The following PTPRN2 variants were observed in gnomAD, a reference collection of about 807,000 sequenced individuals.
PTPRN2 encodes the protein protein tyrosine phosphatase receptor type N2, also known as receptor-type tyrosine-protein phosphatase N2.
A neutral mutation model predicts 118.8 loss-of-function variants in PTPRN2; 74 were observed. The observed-to-expected ratio is 0.62, with a 90% confidence interval of 0.52 to 0.76. PTPRN2 has a LOEUF of 0.76. Ranked by LOEUF, PTPRN2 falls within the 30% of genes least tolerant of loss-of-function variation. The pLI, the probability that PTPRN2 is intolerant of heterozygous loss-of-function variation, is 0.00. For missense variants in PTPRN2, 1,481 were observed against 1,394.4 expected (o/e 1.06, Z -0.99); for synonymous variants, 641 against 608.0 (o/e 1.05, Z -0.80).
At chr7:157,853,484 G>A (rs1020357588) in intron 12 of PTPRN2, among the ~76,000 whole-genome samples, 9 of 151,506 alleles carry the variant, frequency 5.9e-5, no homozygotes, top group Admixed American at 2.6e-4. Flanking sequence ...TCTTCTTTGT[G>A]TGTAACCTTT....
chr7:158,252,294 ATC>A, intron 3 of PTPRN2, among the ~76,000 whole-genome samples: 1 of 152,238 alleles, frequency 6.6e-6, no homozygotes, highest in East Asian at 1.9e-4. Context: ...CACTCCCATA[ATC>A]TCTCAGTGCC....
At chr7:158,452,289 A>T (rs1363911370) in intron 2 of PTPRN2, among the ~76,000 whole-genome samples, 5 of 152,212 alleles carry the variant, frequency 3.3e-5, no homozygotes, top group Admixed American at 1.3e-4. Flanking sequence ...TTCAAAAAAA[A>T]TTGTTAATAT....
At chr7:157,748,755 C>G (rs1236738252) in intron 12 of PTPRN2, among the ~76,000 whole-genome samples, 2 of 116,256 alleles carry the variant, frequency 1.7e-5, no homozygotes, top group Non-Finnish European at 3.6e-5. Context: ...CCGGGTGATT[C>G]TGAGGCCTGC....
intron 6 of PTPRN2, among the ~76,000 whole-genome samples, chr7:158,158,019 G>A (rs576179841): frequency 8.5e-5 from 13 of 152,256 alleles, no homozygotes; most frequent in African/African-American, 2.2e-4. Flanking sequence ...TGTGAGAGGC[G>A]GCCTCTGTGT....
rs545676124 is a variant in PTPRN2 at position 158,145,961 on chromosome 7, C to G, written c.911-7446G>C. The stretch of plus-strand genomic sequence containing the variant: ...AGTTTCCATATCTGTAAAATGGTGA[C>G]AAGTGAGGCATGGGCCCAGCATACT... On this transcript the variant is annotated intron_variant, in intron 6 of 22. Transcript: ENST00000389418. Among the ~76,000 whole-genome samples, 7 of 152,278 alleles carry G rather than the reference C, an allele frequency of 4.6e-5. No individual in the cohort carries two copies. The East Asian group carries it at 1.4e-3, about 29-fold the overall frequency.
At chr7:158,221,264 C>G (rs1406230009) in intron 3 of PTPRN2, among the ~76,000 whole-genome samples, 7 of 151,728 alleles carry the variant, frequency 4.6e-5, no homozygotes, top group African/African-American at 1.7e-4. Context: ...CATAAAAACC[C>G]TAGAAGAAAA....
chr7:158,107,396 C>T (rs1815771272), intron 10 of PTPRN2, among the ~76,000 whole-genome samples: 1 of 152,170 alleles, frequency 6.6e-6, no homozygotes, highest in Non-Finnish European at 1.5e-5. Flanking sequence ...CCCTCAGTCA[C>T]ATCAGAAGTT....
chr7:157,846,565 C>T (rs1440911091), intron 12 of PTPRN2, among the ~76,000 whole-genome samples: 1 of 152,206 alleles, frequency 6.6e-6, no homozygotes, highest in Non-Finnish European at 1.5e-5. Context: ...GTGCGCTGCC[C>T]CAACACCCTG....
intron 12 of PTPRN2, among the ~76,000 whole-genome samples, chr7:157,873,398 C>T (rs180770658): frequency 2.1e-3 from 314 of 152,338 alleles, no homozygotes; most frequent in African/African-American, 5.5e-3. Flanking sequence ...CGCCCCGAGG[C>T]TTTGCTCCGA....
At chr7:158,278,860 A>G (rs570663336) in intron 3 of PTPRN2, among the ~76,000 whole-genome samples, 1 of 152,024 alleles carries the variant, frequency 6.6e-6, no homozygotes, top group Non-Finnish European at 1.5e-5. Flanking sequence ...CGTGGTCTCT[A>G]TGGCTTCAAG....
chr7:157,938,238 G>A (rs1244857948), intron 11 of PTPRN2, among the ~76,000 whole-genome samples: 1 of 152,238 alleles, frequency 6.6e-6, no homozygotes, highest in East Asian at 1.9e-4. Flanking sequence ...AAAAACTGCA[G>A]CACCCACTGG....
At chr7:158,310,602 G>A (rs1222544258) in intron 3 of PTPRN2, among the ~76,000 whole-genome samples, 2 of 152,242 alleles carry the variant, frequency 1.3e-5, no homozygotes, top group East Asian at 1.9e-4. Flanking sequence ...GGGCCTGCTC[G>A]GGAGGTTCCT....
chr7:157,810,712 C>T (rs1340933256), intron 12 of PTPRN2, among the ~76,000 whole-genome samples: 1 of 124,500 alleles, frequency 8.0e-6, no homozygotes, highest in East Asian at 2.5e-4. Context: ...TGGCTCTCCA[C>T]GGGGACGGCG....
At chr7:158,086,636 A>G (rs1813436531) in intron 10 of PTPRN2, among the ~76,000 whole-genome samples, 1 of 152,220 alleles carries the variant, frequency 6.6e-6, no homozygotes, top group Non-Finnish European at 1.5e-5. Context: ...GTGGCACTCA[A>G]TAGACCATAA....
chr7:158,365,584 C>A (rs557249372), intron 2 of PTPRN2, among the ~76,000 whole-genome samples: 1 of 152,300 alleles, frequency 6.6e-6, no homozygotes, highest in African/African-American at 2.4e-5. Flanking sequence ...TGCGTGGAGT[C>A]TGCTCCCATG....
chr7:157,707,588 C>CT (rs57483757), intron 12 of PTPRN2, among the ~76,000 whole-genome samples: 38,441 of 149,970 alleles, frequency 0.26, 5,394 homozygotes, highest in Non-Finnish European at 0.3. Context: ...CTTTTTTTTT[C>CT]TTTTTTTTTG....
chr7:157,876,548 A>G (rs764185499), intron 12 of PTPRN2, among the ~76,000 whole-genome samples: 1 of 152,218 alleles, frequency 6.6e-6, no homozygotes, highest in Non-Finnish European at 1.5e-5. Context: ...AAACGGCCCT[A>G]GAAGACGTTT....
chr7:158,342,411 ACT>A (rs1807068898), intron 2 of PTPRN2, among the ~76,000 whole-genome samples: 1 of 132,528 alleles, frequency 7.5e-6, no homozygotes, highest in African/African-American at 2.9e-5. Context: ...TCACACCCAC[ACT>A]CTCACCATAA....
intron 2 of PTPRN2, among the ~76,000 whole-genome samples, chr7:158,332,178 C>A (rs1362156096): frequency 6.7e-6 from 1 of 150,214 alleles, no homozygotes; most frequent in Non-Finnish European, 1.5e-5. Context: ...CATCCACACT[C>A]TCACCATAAG....
Sources: gnomAD v4.1 joint callset for allele counts (sites outside exome capture counted in the v4.1 genomes callset) on GRCh38, gnomAD v4.1.1 for gene constraint, MANE v1.5 for transcripts, NCBI Gene and HGNC (gene_info 2026-07-23, HGNC 2026-07-21) for gene names.